Variants in KCTD1 observed in about 807,000 individuals in gnomAD.
KCTD1 encodes the protein BTB/POZ domain-containing protein KCTD1.
KCTD1 carries 24 observed loss-of-function variants against 66.0 expected under a neutral mutation model. The ratio of observed to expected loss-of-function variants is 0.36; its 90% CI spans 0.26 to 0.51. KCTD1 has a LOEUF of 0.51. Among genes scored for constraint, KCTD1 ranks in the 20% least tolerant of loss-of-function variants. The pLI is 0.95. For synonymous variants in KCTD1, 511 were observed against 517.2 expected, an observed-to-expected ratio of 0.99 and a Z score of 0.16; for missense variants, 943 against 1,205.2, an observed-to-expected ratio of 0.78 and a Z score of 3.22.
intron 2 of KCTD1, among the ~76,000 whole-genome samples, chr18:26,486,881 A>G (rs1321706963): frequency 6.6e-6 from 1 of 152,252 alleles, no homozygotes; most frequent in Non-Finnish European, 1.5e-5. Flanking sequence ...CCAGCAAAAG[A>G]ACAGTATTTA....
At chr18:26,541,055 G>A (rs567674557) in intron 1 of KCTD1, among the ~76,000 whole-genome samples, 4 of 152,140 alleles carry the variant, frequency 2.6e-5, no homozygotes, top group Non-Finnish European at 4.4e-5. Context: ...TGGAGTGGGG[G>A]TCACTAAGAA....
chr18:26,654,879 A>G (rs1233278507), intron 1 of KCTD1, among the ~76,000 whole-genome samples: 1 of 152,232 alleles, frequency 6.6e-6, no homozygotes, highest in Non-Finnish European at 1.5e-5. Flanking sequence ...AGGACTCCCG[A>G]GTCAAACTGT....
At chr18:26,643,688 T>G (rs2339192), upstream of KCTD1, among the ~76,000 whole-genome samples, 3 of 151,864 alleles carry the variant, frequency 2.0e-5, no homozygotes, top group Non-Finnish European at 4.4e-5. Flanking sequence ...GCTGGCCGGG[T>G]GCGGTGGCTC....
intron 1 of KCTD1, chr18:26,581,868 A>G (rs905295284): frequency 2.0e-5 from 3 of 152,158 alleles, no homozygotes; most frequent in African/African-American, 7.2e-5. Context: ...TACATGGCCA[A>G]AACCATCATA....
chr18:26,606,552 A>G (rs1293087009), intron 1 of KCTD1, among the ~76,000 whole-genome samples: 1 of 152,190 alleles, frequency 6.6e-6, no homozygotes, highest in East Asian at 1.9e-4. Context: ...GTGAGAGCCT[A>G]AAGAGGCCGT....
chr18:26,632,849 T>A (rs1312591014), upstream of KCTD1, among the ~76,000 whole-genome samples: 7 of 151,940 alleles, frequency 4.6e-5, no homozygotes, highest in Admixed American at 4.6e-4. Flanking sequence ...GATATGAAAA[T>A]GGAATATGGC....
chr18:26,507,712 T>A (rs1983116316), intron 1 of KCTD1, among the ~76,000 whole-genome samples: 1 of 152,024 alleles, frequency 6.6e-6, no homozygotes, highest in Admixed American at 6.6e-5. Context: ...TTTTTTTTTT[T>A]TAAAAAAAGA....
intron 1 of KCTD1, among the ~76,000 whole-genome samples, chr18:26,611,779 G>C (rs1272505986): frequency 6.6e-6 from 1 of 152,140 alleles, no homozygotes; most frequent in Non-Finnish European, 1.5e-5. Context: ...ATCTTTAATT[G>C]GATGCCAGAC....
At position 26,548,290 on chromosome 18, in the gene KCTD1, C is replaced by A; in HGVS notation, c.247G>T (p.Gly83Trp). 1 of 1,510,208 alleles carries A rather than the reference C, an allele frequency of 6.6e-7. No homozygotes were observed. Among genetic ancestry groups the A allele is most frequent in the Non-Finnish European group, 8.8e-7 (1 of 1,132,466 alleles). The allele number at this position is 1,510,208 out of a possible 1,614,324, so 93.6% of individuals were successfully genotyped here. A position where few individuals can be genotyped will look rare whatever the true frequency, so the allele number is the denominator to read the frequency against. The change falls in exon 1 of 5, where the codon GGG becomes TGG. Residue 83 changes from glycine to tryptophan, a missense_variant. This residue lies in a region of KCTD1 where 236 missense variants were observed against 206.6 expected (regional missense o/e 1.14). Transcript: ENST00000580059. ...TCCTCCTCGTCCTCCTCCAGCCCCC[C>A]ACCTCCGTCCTCCTCCTCCTCCTCG... Reference protein sequence around the residue: ...GDEEEEEDGGGGLEEDEEEEE... With the variant: ...GDEEEEEDGGWGLEEDEEEEE...
chr18:26,548,607 G>A, upstream of KCTD1: 2 of 1,186,236 alleles, frequency 1.7e-6, no homozygotes, highest in Admixed American at 4.5e-5. Flanking sequence ...GAGAGCTTTT[G>A]TGTTTAATGA....
chr18:26,542,624 G>T (rs2144817537), intron 1 of KCTD1, among the ~76,000 whole-genome samples: 1 of 152,228 alleles, frequency 6.6e-6, no homozygotes, highest in Non-Finnish European at 1.5e-5. Flanking sequence ...TATAACTAGT[G>T]GTCCTCGGAA....
intron 1 of KCTD1, chr18:26,575,775 T>G (rs1986211523): frequency 6.6e-6 from 1 of 152,216 alleles, no homozygotes; most frequent in Admixed American, 6.5e-5. Context: ...CTCAGAAACT[T>G]TAGCGTGCTA....
intron 1 of KCTD1, among the ~76,000 whole-genome samples, chr18:26,594,264 A>G (rs1986715940): frequency 6.6e-6 from 1 of 152,208 alleles, no homozygotes. Context: ...TCAGTAGAGT[A>G]TTAGGAAGAT....
Position 26,651,738 on chromosome 18 carries a change from C to A in KCTD1, c.9+5622G>T, listed in dbSNP as rs568722170. On this transcript the variant is annotated intron_variant, in intron 1 of 4. Transcript: ENST00000580191. The stretch of plus-strand genomic sequence containing the variant: ...GGGGGAGGTTGCAGTGAGCCGAGAT[C>A]GAGCCACTGTACTCCAGCCTGGGTG... 4.5e-3 allele frequency among the ~76,000 whole-genome samples: 637 copies of A among 140,794 alleles called. 11 individuals are homozygous for A. Among genetic ancestry groups the A allele is most frequent in the African/African-American group, 0.016 (603 of 37,250 alleles). The allele number at this position is 140,794 out of a possible 152,430, so 92.4% of individuals were successfully genotyped here.
intron 1 of KCTD1, among the ~76,000 whole-genome samples, chr18:26,611,511 C>T (rs1182240436): frequency 6.6e-6 from 1 of 152,110 alleles, no homozygotes. Context: ...CCACCACACT[C>T]AGCTAATTTT....
At chr18:26,483,500 C>T (rs1486237175) in intron 2 of KCTD1, among the ~76,000 whole-genome samples, 3 of 152,022 alleles carry the variant, frequency 2.0e-5, no homozygotes, top group Admixed American at 6.5e-5. Flanking sequence ...AACTCTTGAC[C>T]TCAGGTAACC....
chr18:26,523,820 G>A lies in KCTD1; in HGVS notation c.1810-22570C>T, dbSNP rs1449174784. Among the ~76,000 whole-genome samples the A allele has an allele frequency of 2.0e-5, 3 of 152,166 alleles. No individual in the cohort carries two copies. In the East Asian group the frequency reaches 5.8e-4, roughly 29 times the overall value. On this transcript the variant is annotated intron_variant, in intron 1 of 4. Coordinates refer to ENST00000580059, the MANE Select transcript of KCTD1 (RefSeq NM_001142730.3). ...CCTAAATTAAGAAAAGCTTCAAGCA[G>A]CTTGGGAAATGCAATTTGTGAAACA...
chr18:26,656,904 C>G (rs1308577058), intron 1 of KCTD1, among the ~76,000 whole-genome samples: 1 of 123,004 alleles, frequency 8.1e-6, no homozygotes, highest in Admixed American at 8.0e-5. Flanking sequence ...GAGGGAGGGG[C>G]TCGGGGAGGG....
intron 1 of KCTD1, among the ~76,000 whole-genome samples, chr18:26,650,253 A>G (rs895838906): frequency 2.6e-5 from 4 of 152,322 alleles, no homozygotes; most frequent in Admixed American, 2.6e-4. Flanking sequence ...TGTCAATGGC[A>G]AAAAGTACTT....
Sources: allele counts gnomAD v4.1 joint callset (sites outside exome capture counted in the v4.1 genomes callset), GRCh38; gene constraint gnomAD v4.1.1; regional missense constraint gnomAD v4.1.1; transcripts MANE v1.5; gene names NCBI Gene and HGNC (gene_info 2026-07-23, HGNC 2026-07-21).